The following SORCS2 variants were observed in gnomAD, a reference collection of about 807,000 sequenced individuals.
SORCS2 encodes sortilin related VPS10 domain containing receptor 2.
A neutral mutation model predicts 141.6 loss-of-function variants in SORCS2; 100 were observed. The observed-to-expected ratio is 0.71, with a 90% confidence interval of 0.60 to 0.83. The LOEUF is 0.83. Ranked by LOEUF, SORCS2 falls within the 40% of genes least tolerant of loss-of-function variation. SORCS2 has a pLI of 0.00. For missense variants in SORCS2, 1,646 were observed against 1,560.2 expected (o/e 1.05, Z -0.93); for synonymous variants, 789 against 676.9 (o/e 1.17, Z -2.57).
chr4:7,396,210 G>T, intron 1 of SORCS2, 78 bp from the exon 2 acceptor site: 1 of 1,390,892 alleles, frequency 7.2e-7, no homozygotes, highest in South Asian at 1.2e-5. Context: ...TTCTGGCACG[G>T]AGTGGTGTCA....
intron 1 of SORCS2, among the ~76,000 whole-genome samples, chr4:7,252,299 G>A (rs752980293): frequency 1.3e-5 from 2 of 152,194 alleles, no homozygotes; most frequent in Non-Finnish European, 2.9e-5. Flanking sequence ...TGAGGGGCCA[G>A]TGTGGCTGGG....
At chr4:7,264,533 C>T (rs1363193791) in intron 1 of SORCS2, among the ~76,000 whole-genome samples, 2 of 152,332 alleles carry the variant, frequency 1.3e-5, no homozygotes, top group East Asian at 1.9e-4. Flanking sequence ...CACAGGTGGG[C>T]ACTCAGCCCC....
intron 2 of SORCS2, among the ~76,000 whole-genome samples, chr4:7,489,800 A>G (rs2109396900): frequency 6.6e-6 from 1 of 152,322 alleles, no homozygotes; most frequent in South Asian, 2.1e-4. Flanking sequence ...CCTGTTCATC[A>G]GGAAAATACT....
intron 1 of SORCS2, among the ~76,000 whole-genome samples, chr4:7,326,031 A>G (rs1459607586): frequency 6.6e-6 from 1 of 152,102 alleles, no homozygotes; most frequent in African/African-American, 2.4e-5. Flanking sequence ...TTGATGTTCC[A>G]GTGGATTTCA....
chr4:7,543,753 C>T (rs1712947947), intron 3 of SORCS2, among the ~76,000 whole-genome samples: 1 of 114,234 alleles, frequency 8.8e-6, no homozygotes, highest in Non-Finnish European at 1.8e-5. Flanking sequence ...CCCATCCACC[C>T]ATCCACCCAC....
At chr4:7,612,487 G>A (rs1008690979) in intron 3 of SORCS2, among the ~76,000 whole-genome samples, 7 of 152,232 alleles carry the variant, frequency 4.6e-5, no homozygotes, top group East Asian at 1.9e-4. Flanking sequence ...CTGAGTCACC[G>A]GTAACACTAC....
intron 1 of SORCS2, among the ~76,000 whole-genome samples, chr4:7,361,784 G>C (rs546429558): frequency 1.3e-5 from 2 of 151,850 alleles, no homozygotes; most frequent in East Asian, 3.9e-4. Context: ...AAAACACAAC[G>C]AACGCAGGTG....
chr4:7,201,641 T>C lies in SORCS2; in HGVS notation c.480+8515T>C, dbSNP rs149077066. 6.9e-4 allele frequency among the ~76,000 whole-genome samples: 105 copies of C among 152,264 alleles called. 1 individual carries two copies. Among genetic ancestry groups the C allele is most frequent in the African/African-American group, 2.4e-3 (98 of 41,556 alleles). On this transcript the variant is annotated intron_variant, in intron 1 of 26. Transcript: ENST00000507866. This position sits in a 1 kb window ranked among gnomAD's most constrained non-coding sequence, Gnocchi z 4.4. ...GTGCCTTTTCCGGTGCAGGAAGAAA[T>C]GGAGGGGAAGCTTGTACGTTGCCTC...
intron 3 of SORCS2, among the ~76,000 whole-genome samples, chr4:7,568,821 G>T (rs780259086): frequency 6.6e-6 from 1 of 152,324 alleles, no homozygotes; most frequent in East Asian, 1.9e-4. Context: ...AAGGAATTCC[G>T]TGGAAAGTGA....
intron 3 of SORCS2, among the ~76,000 whole-genome samples, chr4:7,553,522 T>C (rs1302865129): frequency 6.6e-6 from 1 of 152,216 alleles, no homozygotes; most frequent in African/African-American, 2.4e-5. Context: ...CAACTTCAGA[T>C]AGCAGAACAT....
intron 1 of SORCS2, among the ~76,000 whole-genome samples, chr4:7,229,749 C>A (rs571944467): frequency 6.6e-6 from 1 of 152,280 alleles, no homozygotes; most frequent in Admixed American, 6.5e-5. Context: ...TGGGCAGGAG[C>A]AGTGTCATGT....
Position 7,725,155 on chromosome 4 carries a change from C to T in SORCS2, c.2613C>T (p.Ser871=). 6.2e-7 allele frequency: 1 copy of T among 1,612,822 alleles called. No homozygotes were observed. The highest frequency in any genetic ancestry group is 1.1e-5 in the South Asian group (1 of 90,998). ...DEAVLFVQVN[S]PLQALYLEVV... is the part of the protein sequence containing the mutation. The stretch of plus-strand genomic sequence containing the variant: ...CCTGGCCTTTTTGGGTCCCCACAGC[C>T]CCCCTGCAGGCCCTCTACCTGGAGG... Residue 871 remains serine (S), a splice_region_variant and synonymous_variant, in exon 20 of 27, where the codon TCC becomes TCT. Coordinates refer to ENST00000507866, the MANE Select transcript of SORCS2 (RefSeq NM_020777.3).
chr4:7,218,794 C>T (rs1728525149), intron 1 of SORCS2, among the ~76,000 whole-genome samples: 1 of 152,182 alleles, frequency 6.6e-6, no homozygotes. Flanking sequence ...TCTATGATGC[C>T]CGTACTATGC....
intron 1 of SORCS2, among the ~76,000 whole-genome samples, chr4:7,220,151 G>A (rs1322510847): frequency 6.6e-6 from 1 of 152,194 alleles, no homozygotes; most frequent in Non-Finnish European, 1.5e-5. Flanking sequence ...GTGCTGGGCT[G>A]GTGGCAGGCA....
intron 3 of SORCS2, among the ~76,000 whole-genome samples, chr4:7,567,778 C>T (rs1715126405): frequency 6.6e-6 from 1 of 152,212 alleles, no homozygotes; most frequent in Non-Finnish European, 1.5e-5. Flanking sequence ...AATTCCTCTG[C>T]ATGGGAGGTG....
intron 2 of SORCS2, among the ~76,000 whole-genome samples, chr4:7,529,893 G>A (rs1272648746): frequency 6.6e-6 from 1 of 152,296 alleles, no homozygotes; most frequent in East Asian, 1.9e-4. Flanking sequence ...GCAGACAGAG[G>A]CCAGACAGGT....
intron 2 of SORCS2, among the ~76,000 whole-genome samples, chr4:7,454,240 GTGTGTTGGGGTCAGGCTC>G (rs1728704534): frequency 7.7e-6 from 1 of 130,422 alleles, no homozygotes; most frequent in Non-Finnish European, 1.6e-5. Context: ...GTCAGGTGCT[GTGTGTTGGGGTCAGGCTC>G]TGTGTTGGGG....
rs1726951335 is a variant in SORCS2, at chr4:7,193,152, C to T, written c.480+26C>T. ...GTAAGTGACCTCCACGCGCTCGCCGCGGCCCCTACCCGGGACACCGCGGGA... is the reference window on the plus strand; with the variant it reads ...GTAAGTGACCTCCACGCGCTCGCCGTGGCCCCTACCCGGGACACCGCGGGA... On this transcript the variant is annotated intron_variant, in intron 1 of 26. Transcript: ENST00000507866. The surrounding 1 kb of genome is among the most constrained non-coding windows in gnomAD (Gnocchi z 4.8). 3 of 1,493,040 alleles carry T rather than the reference C, an allele frequency of 2.0e-6. No individual in the cohort carries two copies. Among genetic ancestry groups the T allele is most frequent in the Non-Finnish European group, 2.7e-6 (3 of 1,129,338 alleles). The allele number at this position is 1,493,040 out of a possible 1,614,324, so 92.5% of individuals were successfully genotyped here.
At chr4:7,550,252 C>G (rs1264183691) in intron 3 of SORCS2, among the ~76,000 whole-genome samples, 1 of 152,068 alleles carries the variant, frequency 6.6e-6, no homozygotes, top group Non-Finnish European at 1.5e-5. Flanking sequence ...TATCAGGGAG[C>G]TTGTCTCCCT....
Sources: gnomAD v4.1 joint callset for allele counts (sites outside exome capture counted in the v4.1 genomes callset) on GRCh38, gnomAD v4.1.1 for gene constraint, Gnocchi (gnomAD v3.1) non-coding constraint, MANE v1.5 for transcripts, NCBI Gene and HGNC (gene_info 2026-07-23, HGNC 2026-07-21) for gene names.